TTN: variants seen among roughly 807,000 people sequenced by gnomAD.
The protein encoded by TTN is connectin.
TTN carries 1,525 observed loss-of-function variants against 3,223.0 expected under a neutral mutation model. The ratio of observed to expected loss-of-function variants is 0.47; its 90% CI spans 0.45 to 0.49. The LOEUF is 0.49. Among genes scored for constraint, TTN ranks in the 20% least tolerant of loss-of-function variants. TTN has a pLI of 0.00. For synonymous variants in TTN, 14,094 were observed against 15,161.0 expected, an observed-to-expected ratio of 0.93 and a Z score of 5.17; for missense variants, 40,786 against 43,424.0, an observed-to-expected ratio of 0.94 and a Z score of 5.40.
chr2:178,629,239 C>T (rs2059470822), intron 240 of TTN, 62 bp downstream of exon 240: 2 of 1,578,844 alleles, frequency 1.3e-6, no homozygotes, highest in South Asian at 1.2e-5. Flanking sequence ...AAGGAACATA[C>T]AAGTGAAGGT....
chr2:178,687,608 A>G (rs1029598052), intron 127 of TTN, among the ~76,000 whole-genome samples: 6 of 152,202 alleles, frequency 3.9e-5, no homozygotes, highest in Non-Finnish European at 7.3e-5. Context: ...AAGACATTAT[A>G]GTGACTTCTG....
chr2:178,631,007 G>A (rs2059734530), intron 237 of TTN, 27 bp downstream of exon 237: 1 of 1,612,474 alleles, frequency 6.2e-7, no homozygotes, highest in Non-Finnish European at 8.5e-7. Flanking sequence ...AATGCTTCAA[G>A]AGTGAAACTC....
In TTN at chr2:178,552,737, C is replaced by T. The variant is rs878879065; in HGVS notation, c.90163G>A (p.Asp30055Asn). The change falls in exon 335 of 363, where the codon GAC becomes AAC. Residue 30055 changes from aspartate (D) to asparagine (N), a missense_variant. Asp to Asn is a conservative substitution (Grantham distance 23). Transcript: ENST00000589042. ...GTGATGACGCTACCACCATCAAAGT[C>T]AGGTTTGGTCCAGCTGAGGATGACA... ...TSVILSWTKP[D>N]FDGGSVITEY... The T allele has an allele frequency of 6.2e-7, 1 of 1,613,818 alleles. No individual in the cohort carries two copies. The highest frequency in any genetic ancestry group is 1.3e-5 in the African/African-American group (1 of 74,934).
At chr2:178,800,212 C>G (rs2093988040) in intron 4 of TTN, among the ~76,000 whole-genome samples, 183 bp downstream of exon 4, 1 of 152,124 alleles carries the variant, frequency 6.6e-6, no homozygotes, top group Non-Finnish European at 1.5e-5. Flanking sequence ...GCACAGATTG[C>G]TTCTATTCTG....
chr2:178,646,602 G>T, intron 215 of TTN, 43 bp from the exon 216 acceptor site: 1 of 1,257,146 alleles, frequency 8.0e-7, no homozygotes, highest in Non-Finnish European at 1.1e-6. Flanking sequence ...GCAATGTAAA[G>T]TTCTTCAAAA....
chr2:178,620,388 T>C lies in TTN; in HGVS notation c.46133A>G (p.Asp15378Gly), dbSNP rs1443484418. Residue 15378 changes from aspartate to glycine, a missense_variant, in exon 248 of 363, where the codon GAT becomes GGT. Asp to Gly is a moderately conservative substitution (Grantham distance 94). Coordinates refer to ENST00000589042, the MANE Select transcript of TTN (RefSeq NM_001267550.2). The part of the protein sequence containing the change: ...EGEYIVTAGQ[D>G]KSVAELLIIE... ...GATGAGAAGCTCAGCAACAGATTTA[T>C]CTTGTCCAGCAGTGACAATGTATTC... 6.2e-7 allele frequency: 1 copy of C among 1,612,086 alleles called. No individual in the cohort carries two copies. The highest frequency in any genetic ancestry group is 1.3e-5 in the African/African-American group (1 of 74,900).
intron 222 of TTN, 125 bp from the exon 223 acceptor site, chr2:178,639,913 G>C: frequency 9.1e-6 from 13 of 1,424,732 alleles, no homozygotes; most frequent in Non-Finnish European, 1.3e-5. Flanking sequence ...TAAGAGAATA[G>C]TATATTAAGC....
chr2:178,555,320 C>T (rs146864598), intron 330 of TTN, 168 bp from the exon 331 acceptor site: 2 of 645,648 alleles, frequency 3.1e-6, no homozygotes, highest in Non-Finnish European at 2.5e-6. Context: ...ATAGGCCACT[C>T]TTCTATCTCA....
In TTN at chr2:178,789,364, C is replaced by G; in HGVS notation, c.2072G>C (p.Gly691Ala). ...ACTTGGAACAACAATAGTCACCTTTCCATGGGTAACTTGGATTTGTTCTTG... is the reference window on the plus strand; with the variant it reads ...ACTTGGAACAACAATAGTCACCTTTGCATGGGTAACTTGGATTTGTTCTTG... ...TRQEQIQVTH[G>A]KVDVGKKAEA... Residue 691 changes from glycine to alanine, a missense_variant, in exon 13 of 363, where the codon GGA becomes GCA. Coordinates refer to ENST00000589042, the MANE Select transcript of TTN (RefSeq NM_001267550.2). 6.2e-7 allele frequency: 1 copy of G among 1,613,200 alleles called. No individual in the cohort carries two copies. Among genetic ancestry groups the G allele is most frequent in the Non-Finnish European group, 8.5e-7 (1 of 1,179,348 alleles).
At position 178,782,801 on chromosome 2, in the gene TTN, C is replaced by G; in HGVS notation, c.3100+5G>C. ...CATTAGGACTGTGGGAGGGTGGCCA[C>G]TAACCCTGCACAGCCAGATAGCAGG... is the stretch of plus-strand genomic sequence containing the variant. On this transcript the variant is annotated splice_donor_5th_base_variant and intron_variant, in intron 18 of 362. Coordinates refer to ENST00000589042, the MANE Select transcript of TTN (RefSeq NM_001267550.2). 6.2e-7 allele frequency: 1 copy of G among 1,612,564 alleles called. No homozygotes were observed.
rs761156972 is a variant in TTN, at chr2:178,547,482, G to A, written c.94144C>T (p.Arg31382Cys). 4.3e-6 allele frequency: 7 copies of A among 1,612,482 alleles called. No homozygotes were observed. The highest frequency in any genetic ancestry group is 2.7e-5 in the African/African-American group (2 of 74,878). Residue 31382 changes from arginine (R) to cysteine (C), a missense_variant, in exon 339 of 363, where the codon CGT becomes TGT. Coordinates refer to ENST00000589042, the MANE Select transcript of TTN (RefSeq NM_001267550.2). Reference sequence around the variant, plus strand: ...CCAAATCTGTTCTCTGAACTGACACGGAAAGAATATTCCATGTATTTTGTG... The same window carrying A: ...CCAAATCTGTTCTCTGAACTGACACAGAAAGAATATTCCATGTATTTTGTG... ...HLTKYMEYSF[R>C]VSSENRFGVS... is the part of the protein sequence containing the mutation.
intron 180 of TTN, among the ~76,000 whole-genome samples, chr2:178,660,465 G>A (rs1476167345): frequency 8.3e-6 from 1 of 120,380 alleles, no homozygotes; most frequent in African/African-American, 3.2e-5. Context: ...TGGGAAAACT[G>A]GCTAGCCATA....
Position 178,581,556 on chromosome 2 carries a change from T to C in TTN, c.66712A>G (p.Ile22238Val). 1 of 1,612,196 alleles carries C rather than the reference T, an allele frequency of 6.2e-7. No homozygotes were observed. The highest frequency in any genetic ancestry group is 8.5e-7 in the Non-Finnish European group (1 of 1,178,822). ...YQFRVYAVNK[I>V]GYSDPSDVPD... ...ACATCACTGGGGTCACTGTATCCAATCTTATTAACGGCATACACACGGAAT... is the reference window on the plus strand; with the variant it reads ...ACATCACTGGGGTCACTGTATCCAACCTTATTAACGGCATACACACGGAAT... The change falls in exon 316 of 363, where the codon ATT becomes GTT. Residue 22238 changes from isoleucine to valine, a missense_variant. Coordinates refer to ENST00000589042, the MANE Select transcript of TTN (RefSeq NM_001267550.2).
Position 178,571,099 on chromosome 2 carries a change from T to A in TTN, c.75033A>T (p.Gly25011=). 1 of 1,613,418 alleles carries A rather than the reference T, an allele frequency of 6.2e-7. No individual in the cohort carries two copies. The highest frequency in any genetic ancestry group is 1.1e-5 in the South Asian group (1 of 91,068). Residue 25011 remains glycine (G), a synonymous_variant, in exon 326 of 363, where the codon GGA becomes GGT. Coordinates refer to ENST00000589042, the MANE Select transcript of TTN (RefSeq NM_001267550.2). ...TTGTGACAATGATTGCCTCTGGCCG[T>A]CCTGGTGGATCACATGGGTCACGAG... ...YVARDPCDPP[G]RPEAIIVTRN...
Position 178,584,983 on chromosome 2 carries a change from A to G in TTN, c.64673-15T>C. On this transcript the variant is annotated splice_polypyrimidine_tract_variant and intron_variant, in intron 309 of 362. Transcript: ENST00000589042. The stretch of plus-strand genomic sequence containing the variant: ...GCCGGGGGCATCTACATGAACCAAG[A>G]GGAAAGAAATGTAAGAACAAGGATT... 6.2e-7 allele frequency: 1 copy of G among 1,609,554 alleles called. No homozygotes were observed. The highest frequency in any genetic ancestry group is 8.5e-7 in the Non-Finnish European group (1 of 1,178,638).
rs777369921 is a variant in TTN at position 178,768,157 on chromosome 2, T to A, written c.9164-2A>T. ...GTTTCCTAAATTCTATATGACGAGCTGGAAAATAGCATGTAGAAAAATTAA... is the reference window on the plus strand; with the variant it reads ...GTTTCCTAAATTCTATATGACGAGCAGGAAAATAGCATGTAGAAAAATTAA... On this transcript the variant is annotated splice_acceptor_variant, in intron 38 of 362. Transcript: ENST00000589042. LOFTEE classifies it high-confidence loss of function. 3.1e-6 allele frequency: 5 copies of A among 1,613,942 alleles called. No homozygotes were observed. In the African/African-American group the frequency reaches 6.7e-5, roughly 22 times the overall value.
At position 178,702,052 on chromosome 2, in the gene TTN, G is replaced by T; in HGVS notation, c.30526C>A (p.Leu10176Met). 1 of 1,610,660 alleles carries T rather than the reference G, an allele frequency of 6.2e-7. No homozygotes were observed. Among genetic ancestry groups the T allele is most frequent in the Non-Finnish European group, 8.5e-7 (1 of 1,178,330 alleles). ...YLTTKEIKLE[L>M]KPPDIPDSRV... ...CAAAACAACTTACCAGGAGGCTTCA[G>T]CTCAAGTTTGATTTCTGCAAAATAA... The change falls in exon 109 of 363, where the codon CTG becomes ATG. Residue 10176 changes from leucine (L) to methionine (M), a missense_variant. Leu to Met is a conservative substitution (Grantham distance 15). Transcript: ENST00000589042.
intron 361 of TTN, chr2:178,528,027 A>C: frequency 3.6e-6 from 2 of 552,862 alleles, no homozygotes; most frequent in Non-Finnish European, 6.2e-6. Flanking sequence ...AGTAATTGAC[A>C]TATTGTGCAT....
At position 178,605,848 on chromosome 2, in the gene TTN, C is replaced by T. The variant is rs1290061192; in HGVS notation, c.53582-135G>A. ...CCTTACATCCTTATTTAAAATCATT[C>T]CTAAAACTTGTCAGTTGCCAAAATT... On this transcript the variant is annotated intron_variant, in intron 278 of 362. Transcript: ENST00000589042. 1.7e-5 allele frequency: 14 copies of T among 826,308 alleles called. 1 individual carries two copies. The highest frequency in any genetic ancestry group is 2.3e-5 in the Non-Finnish European group (14 of 611,136). The allele number at this position is 826,308 out of a possible 1,614,324, so 51.2% of individuals were successfully genotyped here. A position where few individuals can be genotyped will look rare whatever the true frequency, so the allele number is the denominator to read the frequency against.
Sources: allele counts gnomAD v4.1 joint callset (sites outside exome capture counted in the v4.1 genomes callset), GRCh38; gene constraint gnomAD v4.1.1; transcripts MANE v1.5; gene names NCBI Gene and HGNC (gene_info 2026-07-23, HGNC 2026-07-21).